Variants in POLE2 observed in about 807,000 individuals in gnomAD.
POLE2 encodes DNA polymerase epsilon 2, accessory subunit.
In POLE2, 56 loss-of-function variants were observed where a neutral mutation model predicts 79.4. That is an observed-to-expected ratio of 0.71 (90% CI 0.57 to 0.88). The LOEUF (loss-of-function observed/expected upper bound fraction) is 0.88. Ranked by LOEUF, POLE2 falls within the 40% of genes least tolerant of loss-of-function variation. The pLI is 0.00. For synonymous variants in POLE2, 212 were observed against 214.0 expected, an observed-to-expected ratio of 0.99 and a Z score of 0.08; for missense variants, 598 against 638.9, an observed-to-expected ratio of 0.94 and a Z score of 0.69.
At chr14:49,684,409 A>T (rs45573634) in intron 1 of POLE2, 1 of 151,482 alleles carries the variant, frequency 6.6e-6, no homozygotes, top group Non-Finnish European at 1.5e-5. Context: ...AGCTTGCAGT[A>T]AGCCGAGATC....
chr14:49,687,299 ACCAC>A (rs1408815848), intron 1 of POLE2, among the ~76,000 whole-genome samples: 2 of 97,978 alleles, frequency 2.0e-5, no homozygotes, highest in Non-Finnish European at 4.5e-5. Flanking sequence ...ATACACACAC[ACCAC>A]ACACACACAC....
intron 3 of POLE2, chr14:49,677,700 G>GT (rs1175054989): frequency 2.9e-6 from 4 of 1,361,878 alleles, no homozygotes; most frequent in African/African-American, 1.5e-5. Flanking sequence ...TTCAAGAAAC[G>GT]TGACAGTGTG....
chr14:49,669,745 A>G, intron 5 of POLE2, 147 bp from the exon 6 acceptor site: 4 of 594,650 alleles, frequency 6.7e-6, no homozygotes, highest in South Asian at 4.2e-5. Flanking sequence ...ATAATTTAAC[A>G]TACAAATATC....
At chr14:49,677,714 C>T (rs1055470819) in intron 3 of POLE2, 1 of 1,387,260 alleles carries the variant, frequency 7.2e-7, no homozygotes, top group Non-Finnish European at 9.8e-7. Flanking sequence ...CAGTGTGGCC[C>T]TTGCTGTGCA....
intron 4 of POLE2, 55 bp from the exon 5 acceptor site, chr14:49,674,271 A>G (rs1886094747): frequency 2.0e-6 from 3 of 1,465,312 alleles, no homozygotes. Flanking sequence ...GGTGAGCCAA[A>G]AGTGAAGCAA....
chr14:49,643,642 T>C lies in POLE2; in HGVS notation c.*10A>G. Reference sequence around the variant, plus strand: ...ACTGATGAATTTTCTTCAGATGATCTTTAAGAATCTCAAAAGCCTTGAAGT... The same window carrying C: ...ACTGATGAATTTTCTTCAGATGATCCTTAAGAATCTCAAAAGCCTTGAAGT... On this transcript the variant is annotated 3_prime_UTR_variant, in exon 19 of 19. Transcript: ENST00000216367. 1.4e-6 allele frequency: 2 copies of C among 1,386,030 alleles called. No individual in the cohort carries two copies. Among genetic ancestry groups the C allele is most frequent in the Non-Finnish European group, 2.0e-6 (2 of 995,398 alleles). The allele number at this position is 1,386,030 out of a possible 1,614,324, so 85.9% of individuals were successfully genotyped here. A position where few individuals can be genotyped will look rare whatever the true frequency, so the allele number is the denominator to read the frequency against.
intron 9 of POLE2, among the ~76,000 whole-genome samples, 162 bp from the exon 10 acceptor site, chr14:49,663,549 CAG>C (rs1183430790): frequency 3.9e-5 from 6 of 152,188 alleles, no homozygotes; most frequent in African/African-American, 7.2e-5. Flanking sequence ...TTTAGATCCA[CAG>C]AGAGTCTCAA....
chr14:49,657,027 C>T (rs1884731152), intron 10 of POLE2, among the ~76,000 whole-genome samples: 2 of 151,332 alleles, frequency 1.3e-5, no homozygotes. Flanking sequence ...GCAGGAGAAT[C>T]GCTTGAACCT....
chr14:49,669,740 T>C, intron 5 of POLE2, 142 bp from the exon 6 acceptor site: 1 of 590,134 alleles, frequency 1.7e-6, no homozygotes, highest in Non-Finnish European at 3.0e-6. Flanking sequence ...CCCACATAAT[T>C]TAACATACAA....
chr14:49,675,093 T>C (rs1301675127), intron 3 of POLE2, among the ~76,000 whole-genome samples: 3 of 152,060 alleles, frequency 2.0e-5, no homozygotes, highest in Admixed American at 1.3e-4. Context: ...ACAGTATTTT[T>C]TTTTTTTTGA....
rs182543430 is a variant in POLE2 at position 49,677,653 on chromosome 14, T to A, written c.245+2072A>T. 6.6e-6 allele frequency: 5 copies of A among 753,928 alleles called. No homozygotes were observed. In the Admixed American group the frequency reaches 1.3e-4, roughly 19 times the overall value. The allele number at this position is 753,928 out of a possible 1,614,324, so 46.7% of individuals were successfully genotyped here. ...TCTGGTCCCTGGGCTGTGTGATATA[T>A]GCCACAATGTTTGGGGAAGGCCCTT... On this transcript the variant is annotated intron_variant, in intron 3 of 18. Coordinates refer to ENST00000216367, the MANE Select transcript of POLE2 (RefSeq NM_002692.4).
At chr14:49,670,984 T>C (rs1365760627) in intron 5 of POLE2, among the ~76,000 whole-genome samples, 1 of 152,178 alleles carries the variant, frequency 6.6e-6, no homozygotes, top group East Asian at 1.9e-4. Context: ...GTTTGTCCTA[T>C]AGACAATGAG....
At chr14:49,666,050 T>C (rs1440514880) in intron 7 of POLE2, among the ~76,000 whole-genome samples, 1 of 152,142 alleles carries the variant, frequency 6.6e-6, no homozygotes, top group Non-Finnish European at 1.5e-5. Context: ...GGTCTTGAAC[T>C]CCCGGCCTCA....
At position 49,651,348 on chromosome 14, in the gene POLE2, A is replaced by G; in HGVS notation, c.1241T>C (p.Val414Ala). The change falls in exon 16 of 19, where the codon GTC (valine) becomes GCC (alanine). Residue 414 changes from valine to alanine, a missense_variant. Coordinates refer to ENST00000216367, the MANE Select transcript of POLE2 (RefSeq NM_002692.4). ...TTTATTTACTAAGTCTTCACGGAAG[A>G]CAGTAATTTCCTGTGTACAGTACTG... is the stretch of plus-strand genomic sequence containing the variant. ...RIQYCTQEIT[V>A]FREDLVNKMC... 6.3e-7 allele frequency: 1 copy of G among 1,585,938 alleles called. No homozygotes were observed. The highest frequency in any genetic ancestry group is 8.7e-7 in the Non-Finnish European group (1 of 1,155,718).
chr14:49,648,226 C>A (rs929937814), intron 17 of POLE2, among the ~76,000 whole-genome samples: 19 of 152,216 alleles, frequency 1.2e-4, no homozygotes, highest in African/African-American at 4.3e-4. Context: ...GTGCCCCAAG[C>A]ACCGAACCCA....
Position 49,647,357 on chromosome 14 carries a change from A to T in POLE2, c.1501T>A (p.Ser501Thr), listed in dbSNP as rs760269510. The stretch of plus-strand genomic sequence containing the variant: ...AATGAAAATCCACTTCTTGGAAAAG[A>T]GCCCTTTGGGGGAGAAAAATGCCTG... ...NTECLCINPG[S>T]FPRSGFSFKV... Residue 501 changes from serine (S) to threonine (T), a missense_variant, in exon 18 of 19, where the codon TCT (serine) becomes ACT (threonine). Transcript: ENST00000216367. The T allele has an allele frequency of 1.3e-6, 2 of 1,560,922 alleles. No individual in the cohort carries two copies. Among genetic ancestry groups the T allele is most frequent in the Non-Finnish European group, 1.7e-6 (2 of 1,148,622 alleles).
At chr14:49,684,512 A>G (rs530178945) in intron 1 of POLE2, 1 of 152,152 alleles carries the variant, frequency 6.6e-6, no homozygotes, top group South Asian at 2.1e-4. Context: ...ATATAATCAT[A>G]GAAGCAACAC....
intron 9 of POLE2, 125 bp downstream of exon 9, chr14:49,664,501 T>C (rs1019979750): frequency 4.5e-5 from 32 of 705,376 alleles, no homozygotes; most frequent in South Asian, 4.5e-4. Context: ...AAGAGTTATT[T>C]TGCCAAAAAT....
chr14:49,669,737 A>G, intron 5 of POLE2, 139 bp from the exon 6 acceptor site: 1 of 594,098 alleles, frequency 1.7e-6, no homozygotes, highest in East Asian at 2.9e-5. Context: ...AAACCCACAT[A>G]ATTTAACATA....
Sources: gnomAD v4.1 joint callset for allele counts (sites outside exome capture counted in the v4.1 genomes callset) on GRCh38, gnomAD v4.1.1 for gene constraint, MANE v1.5 for transcripts, NCBI Gene and HGNC (gene_info 2026-07-23, HGNC 2026-07-21) for gene names.